EDAR: variants seen among roughly 807,000 people sequenced by gnomAD.
EDAR encodes ectodysplasin A receptor, also known as tumor necrosis factor receptor superfamily member EDAR.
In EDAR, 38 loss-of-function variants were observed where a neutral mutation model predicts 51.3. The observed-to-expected ratio is 0.74, with a 90% confidence interval of 0.57 to 0.97. The LOEUF is 0.97. Ranked by LOEUF, EDAR falls within the 50% of genes least tolerant of loss-of-function variation. The pLI is 0.00. For missense variants in EDAR, 528 were observed against 595.0 expected (o/e 0.89, Z 1.17); for synonymous variants, 227 against 242.1 (o/e 0.94, Z 0.58).
intron 1 of EDAR, among the ~76,000 whole-genome samples, chr2:108,971,820 A>G (rs551689943): frequency 1.3e-5 from 2 of 152,312 alleles, no homozygotes; most frequent in Admixed American, 6.5e-5. Context: ...AACGGGCTGG[A>G]TTTTAGTGAC....
At chr2:108,978,047 G>A (rs760109965) in intron 1 of EDAR, among the ~76,000 whole-genome samples, 2 of 152,208 alleles carry the variant, frequency 1.3e-5, no homozygotes, top group African/African-American at 2.4e-5. Context: ...GTTCAAAGTC[G>A]TTCTTCCTTC....
intron 11 of EDAR, 32 bp from the exon 12 acceptor site, chr2:108,897,261 G>T (rs1367985955): frequency 1.3e-6 from 2 of 1,584,550 alleles, no homozygotes; most frequent in South Asian, 2.2e-5. Flanking sequence ...GTTAGATGTT[G>T]CAAGTCACAG....
chr2:108,950,872 C>A (rs902070678), intron 1 of EDAR, among the ~76,000 whole-genome samples: 1 of 152,242 alleles, frequency 6.6e-6, no homozygotes, highest in African/African-American at 2.4e-5. Flanking sequence ...GGGACCCAGG[C>A]CTTCACACAT....
chr2:108,954,704 C>T (rs1697887794), intron 1 of EDAR, among the ~76,000 whole-genome samples: 1 of 150,618 alleles, frequency 6.6e-6, no homozygotes, highest in Admixed American at 6.6e-5. Flanking sequence ...GAGACAGAGT[C>T]TCGCTCTATT....
chr2:108,894,804 A>C lies in EDAR; in HGVS notation c.*2103T>G, dbSNP rs1696549553. 1 of 152,240 alleles carries C rather than the reference A, an allele frequency of 6.6e-6. No individual in the cohort carries two copies. The highest frequency in any genetic ancestry group is 2.4e-5 in the African/African-American group (1 of 41,460). 9.4% of individuals were successfully genotyped at this position (152,240 alleles called of 1,614,324 possible). A position where few individuals can be genotyped will look rare whatever the true frequency, so the allele number is the denominator to read the frequency against. On this transcript the variant is annotated 3_prime_UTR_variant, in exon 12 of 12. Transcript: ENST00000258443. Reference sequence around the variant, plus strand: ...CTATATAAGGAATAGCTCCCTAAAAATGGCAGGTGGAGAGCCAATGGAACA... The same window carrying C: ...CTATATAAGGAATAGCTCCCTAAAACTGGCAGGTGGAGAGCCAATGGAACA...
chr2:108,916,351 T>C (rs1415303575), intron 5 of EDAR, among the ~76,000 whole-genome samples: 3 of 152,080 alleles, frequency 2.0e-5, no homozygotes, highest in Non-Finnish European at 4.4e-5. Flanking sequence ...GGGTTGGGGA[T>C]GGGGACACAA....
At chr2:108,917,423 C>A (rs1697047805) in intron 5 of EDAR, among the ~76,000 whole-genome samples, 1 of 152,136 alleles carries the variant, frequency 6.6e-6, no homozygotes, top group South Asian at 2.1e-4. Context: ...GTGTTCCCAA[C>A]ACAAAGAAGT....
In EDAR at chr2:108,937,065, G is replaced by T. The variant is rs76644073; in HGVS notation, c.-18-6033C>A. Among the ~76,000 whole-genome samples the T allele has an allele frequency of 8.1e-3, 1,231 of 152,354 alleles. 11 individuals are homozygous for T. The highest frequency in any genetic ancestry group is 0.029 in the South Asian group (142 of 4,830). On this transcript the variant is annotated intron_variant, in intron 1 of 11. Transcript: ENST00000258443. ...CGCAGAGCACAGGCCAAACGTCTTG[G>T]CAAGACCACAGGCACCGTCCTTCCC...
chr2:108,926,179 C>T (rs1423002091), intron 4 of EDAR, among the ~76,000 whole-genome samples: 1 of 152,164 alleles, frequency 6.6e-6, no homozygotes, highest in African/African-American at 2.4e-5. Context: ...GGGCTTGTCA[C>T]CAACCCGAAA....
At position 108,895,221 on chromosome 2, in the gene EDAR, G is replaced by A. The variant is rs1202649180; in HGVS notation, c.*1686C>T. 2 of 152,574 alleles carry A rather than the reference G, an allele frequency of 1.3e-5. No homozygotes were observed. Among genetic ancestry groups the A allele is most frequent in the Non-Finnish European group, 2.9e-5 (2 of 68,022 alleles). The allele number at this position is 152,574 out of a possible 1,614,324, so 9.5% of individuals were successfully genotyped here. On this transcript the variant is annotated 3_prime_UTR_variant, in exon 12 of 12. Transcript: ENST00000258443. The stretch of plus-strand genomic sequence containing the variant: ...TCCTCTCACAGTATGTACTACATTC[G>A]TTGGTGGGAAATTGCTTGTTGGTGT...
At chr2:108,936,604 C>T (rs937484533) in intron 1 of EDAR, among the ~76,000 whole-genome samples, 1 of 152,168 alleles carries the variant, frequency 6.6e-6, no homozygotes, top group Non-Finnish European at 1.5e-5. Context: ...CAGTACTCCC[C>T]CGCCTCCCTG....
chr2:108,969,823 A>G (rs1428182926), intron 1 of EDAR, among the ~76,000 whole-genome samples: 1 of 152,218 alleles, frequency 6.6e-6, no homozygotes, highest in African/African-American at 2.4e-5. Context: ...TAACAACGCA[A>G]GGCAGTGTGC....
At position 108,910,987 on chromosome 2, in the gene EDAR, G is replaced by C; in HGVS notation, c.615C>G (p.Ile205Met). Residue 205 changes from isoleucine (I) to methionine (M), a missense_variant, in exon 7 of 12, where the codon ATC becomes ATG. By Grantham distance (10) the Ile-to-Met change is conservative. Coordinates refer to ENST00000258443, the MANE Select transcript of EDAR (RefSeq NM_022336.4). ...IFIMAIAIVLIIMFYILKTKP... is the reference protein window; with the variant it reads ...IFIMAIAIVLMIMFYILKTKP... ...TTGTCTTCAGGATGTAGAACATGAT[G>C]ATGAGGACGATGGCGATGGCCATGA... 1 of 1,614,174 alleles carries C rather than the reference G, an allele frequency of 6.2e-7. No individual in the cohort carries two copies. Among genetic ancestry groups the C allele is most frequent in the Non-Finnish European group, 8.5e-7 (1 of 1,180,018 alleles).
intron 1 of EDAR, among the ~76,000 whole-genome samples, chr2:108,979,926 G>A (rs1002131816): frequency 1.3e-5 from 2 of 152,126 alleles, no homozygotes; most frequent in African/African-American, 4.8e-5. Flanking sequence ...GCAGGGTGCT[G>A]TGGCTCTATT....
rs77709682 is a variant in EDAR at position 108,897,582 on chromosome 2, G to A, written c.1025-353C>T. On this transcript the variant is annotated intron_variant, in intron 11 of 11. Transcript: ENST00000258443. ...AGTTGGGTAACCCTGTCTCCCATGG[G>A]GCTGGGCTGAGGAGGGGTTCAAAGG... is the stretch of plus-strand genomic sequence containing the variant. Among the ~76,000 whole-genome samples the A allele has an allele frequency of 8.8e-3, 1,340 of 152,244 alleles. 6 individuals carry two copies. The highest frequency in any genetic ancestry group is 0.013 in the Non-Finnish European group (852 of 68,026).
At position 108,907,952 on chromosome 2, in the gene EDAR, C is replaced by A. The variant is rs200267845; in HGVS notation, c.871G>T (p.Ala291Ser). 8 of 1,613,594 alleles carry A rather than the reference C, an allele frequency of 5.0e-6. No individual in the cohort carries two copies. The South Asian group carries it at 8.8e-5, about 18-fold the overall frequency. Reference sequence around the variant, plus strand: ...TCCGGGGAGCCCTGCTTGTCAGGGGCGGGCTCCTCATCACTGTCGACGCTC... The same window carrying A: ...TCCGGGGAGCCCTGCTTGTCAGGGGAGGGCTCCTCATCACTGTCGACGCTC... ...SRSVDSDEEP[A>S]PDKQGSPELC... The change falls in exon 10 of 12, where the codon GCC becomes TCC. Residue 291 changes from alanine (A) to serine (S), a missense_variant. Transcript: ENST00000258443.
chr2:108,979,481 A>T (rs1265164501), intron 1 of EDAR, among the ~76,000 whole-genome samples: 3 of 151,476 alleles, frequency 2.0e-5, no homozygotes, highest in African/African-American at 7.3e-5. Context: ...ACACACACAC[A>T]CACACACACA....
At chr2:108,955,505 TG>T (rs1697904840) in intron 1 of EDAR, among the ~76,000 whole-genome samples, 1 of 152,194 alleles carries the variant, frequency 6.6e-6, no homozygotes, top group African/African-American at 2.4e-5. Context: ...CCTAGCACTC[TG>T]GGAGGCCGTG....
At chr2:108,956,687 AT>A (rs1235117743) in intron 1 of EDAR, among the ~76,000 whole-genome samples, 1 of 152,064 alleles carries the variant, frequency 6.6e-6, no homozygotes, top group African/African-American at 2.4e-5. Flanking sequence ...TGCTGAAAAT[AT>A]TTGGGTTATG....
Sources: gnomAD v4.1 joint callset for allele counts (sites outside exome capture counted in the v4.1 genomes callset) on GRCh38, gnomAD v4.1.1 for gene constraint, MANE v1.5 for transcripts, NCBI Gene and HGNC (gene_info 2026-07-23, HGNC 2026-07-21) for gene names.